The following COL28A1 variants were observed in gnomAD, a reference collection of about 807,000 sequenced individuals.
The protein encoded by COL28A1 is collagen type XXVIII alpha 1 chain.
In COL28A1, 161 loss-of-function variants were observed where a neutral mutation model predicts 150.2. The ratio of observed to expected loss-of-function variants is 1.07; its 90% CI spans 0.94 to 1.22. The LOEUF is 1.22. Among genes scored for constraint, COL28A1 ranks in the 50% most tolerant of loss-of-function variants. The probability of loss-of-function intolerance (pLI) is 0.00; values close to 1 mark genes in which losing one functional copy is unlikely to be tolerated. For synonymous variants in COL28A1, 552 were observed against 469.7 expected (o/e 1.18, Z -2.26); for missense variants, 1,617 against 1,388.3 (o/e 1.16, Z -2.62).
At chr7:7,439,173 G>A (rs1465456426) in intron 21 of COL28A1, among the ~76,000 whole-genome samples, 2 of 152,138 alleles carry the variant, frequency 1.3e-5, no homozygotes, top group Non-Finnish European at 2.9e-5. Context: ...CACCAGTGAT[G>A]ACTCCTGCCC....
intron 27 of COL28A1, among the ~76,000 whole-genome samples, chr7:7,397,190 G>T (rs566385583): frequency 6.6e-6 from 1 of 152,292 alleles, no homozygotes; most frequent in East Asian, 1.9e-4. Flanking sequence ...TGTAAGAAGA[G>T]AATCTATTTC....
In COL28A1 at chr7:7,432,711, T is replaced by C; in HGVS notation, c.1861-11A>G. 6.2e-7 allele frequency: 1 copy of C among 1,610,590 alleles called. No individual in the cohort carries two copies. On this transcript the variant is annotated splice_polypyrimidine_tract_variant and intron_variant, in intron 23 of 34. Transcript: ENST00000399429. ...AGGGCCTTGGACACCCTGGGTAAAT[T>C]CCAACATCAGTGATATCATGAGACT...
chr7:7,527,091 C>A (rs1782065698), intron 3 of COL28A1, among the ~76,000 whole-genome samples: 1 of 152,108 alleles, frequency 6.6e-6, no homozygotes, highest in Admixed American at 6.5e-5. Context: ...GGCTTAAAAC[C>A]ATAGCAATGC....
chr7:7,379,625 T>TACA (rs1332330489), intron 30 of COL28A1, among the ~76,000 whole-genome samples: 3 of 152,078 alleles, frequency 2.0e-5, no homozygotes, highest in African/African-American at 7.2e-5. Flanking sequence ...CAGAGTAAGG[T>TACA]TTACTGGATA....
chr7:7,494,389 G>C (rs1018193124), intron 11 of COL28A1, among the ~76,000 whole-genome samples: 1 of 152,026 alleles, frequency 6.6e-6, no homozygotes, highest in Non-Finnish European at 1.5e-5. Context: ...AAAAAACCAT[G>C]GCTTTGAATC....
At chr7:7,422,745 T>C (rs1348885557) in intron 25 of COL28A1, among the ~76,000 whole-genome samples, 1 of 152,068 alleles carries the variant, frequency 6.6e-6, no homozygotes, top group Non-Finnish European at 1.5e-5. Context: ...AAACTGAACC[T>C]GGATGTAAAC....
intron 23 of COL28A1, among the ~76,000 whole-genome samples, chr7:7,435,156 A>T (rs573952856): frequency 1.3e-5 from 2 of 152,314 alleles, no homozygotes; most frequent in Non-Finnish European, 2.9e-5. Context: ...AAAACAGGTG[A>T]GGCCTATAAA....
chr7:7,435,855 C>G (rs1049701051), intron 23 of COL28A1, among the ~76,000 whole-genome samples: 3 of 152,120 alleles, frequency 2.0e-5, no homozygotes, highest in African/African-American at 7.2e-5. Context: ...TGGTTGACAC[C>G]TAGGAATGCT....
At chr7:7,404,024 C>G (rs1783362695) in intron 27 of COL28A1, among the ~76,000 whole-genome samples, 1 of 152,094 alleles carries the variant, frequency 6.6e-6, no homozygotes, top group Non-Finnish European at 1.5e-5. Context: ...GGCCCTGTTG[C>G]AGTGTATTCT....
At position 7,432,699 on chromosome 7, in the gene COL28A1, C is replaced by T. The variant is rs200397395; in HGVS notation, c.1862G>A (p.Gly621Asp). The T allele has an allele frequency of 6.2e-7, 1 of 1,613,110 alleles. No homozygotes were observed. Among genetic ancestry groups the T allele is most frequent in the Non-Finnish European group, 8.5e-7 (1 of 1,179,590 alleles). ...EPGLSIRGPKGVQGPRGPVGA... is the reference protein window; with the variant it reads ...EPGLSIRGPKDVQGPRGPVGA... ...CACTGGTCCCCGAGGGCCTTGGACA[C>T]CCTGGGTAAATTCCAACATCAGTGA... is the stretch of plus-strand genomic sequence containing the variant. The change falls in exon 24 of 35, where the codon GGT becomes GAT. Residue 621 changes from glycine to aspartate, a missense_variant and splice_region_variant. Physicochemically the swap from Gly to Asp is moderately conservative, Grantham distance 94 (BLOSUM62 -1). Coordinates refer to ENST00000399429, the MANE Select transcript of COL28A1 (RefSeq NM_001037763.3).
intron 20 of COL28A1, among the ~76,000 whole-genome samples, chr7:7,441,661 C>T (rs567482843): frequency 7.2e-5 from 11 of 152,250 alleles, no homozygotes; most frequent in Non-Finnish European, 1.0e-4. Flanking sequence ...ATTGCTGGGC[C>T]CTCCACCCAG....
At chr7:7,345,230 G>A in the COL28A1 span, among the ~76,000 whole-genome samples, 2 of 151,908 alleles carry the variant, frequency 1.3e-5, no homozygotes, top group Non-Finnish European at 2.9e-5. Context: ...GTTACATGAT[G>A]TTGTTTGTAT....
chr7:7,424,784 A>G (rs1784568233), intron 25 of COL28A1, among the ~76,000 whole-genome samples: 1 of 152,170 alleles, frequency 6.6e-6, no homozygotes. Flanking sequence ...AAGGGATTCT[A>G]GATGGGAGAT....
intron 3 of COL28A1, among the ~76,000 whole-genome samples, chr7:7,526,799 T>C (rs1420274628): frequency 2.6e-4 from 39 of 151,848 alleles, no homozygotes; most frequent in Non-Finnish European, 5.6e-4. Context: ...CAAGCCAGGG[T>C]AATTTTTGTA....
intron 13 of COL28A1, among the ~76,000 whole-genome samples, chr7:7,478,952 C>A (rs141561912): frequency 1.3e-5 from 2 of 152,236 alleles, no homozygotes; most frequent in African/African-American, 2.4e-5. Context: ...CTGAGGGAGC[C>A]GGCTCAGCCC....
chr7:7,426,939 A>G lies in COL28A1; in HGVS notation c.1998+5534T>C, dbSNP rs186495387. Among the ~76,000 whole-genome samples the G allele has an allele frequency of 7.9e-5, 12 of 152,320 alleles. No homozygotes were observed. The East Asian group carries it at 2.3e-3, about 29-fold the overall frequency. On this transcript the variant is annotated intron_variant, in intron 25 of 34. Coordinates refer to ENST00000399429, the MANE Select transcript of COL28A1 (RefSeq NM_001037763.3). ...AGGCTGTCTTGTACTAAAACTGAAT[A>G]TAATTTTCCACTGGGAGAAAGTTCC...
intron 8 of COL28A1, among the ~76,000 whole-genome samples, chr7:7,513,900 CA>C (rs1309904717): frequency 6.6e-6 from 1 of 152,188 alleles, no homozygotes; most frequent in Non-Finnish European, 1.5e-5. Flanking sequence ...GGAATGGCCA[CA>C]ACTACATGGT....
At chr7:7,342,854 C>T in the COL28A1 span, among the ~76,000 whole-genome samples, 1 of 151,868 alleles carries the variant, frequency 6.6e-6, no homozygotes, top group Admixed American at 6.6e-5. Flanking sequence ...CTTAATTTTT[C>T]AGGTTTTCCA....
At chr7:7,514,332 C>T (rs185729160) in intron 8 of COL28A1, among the ~76,000 whole-genome samples, 14 of 152,296 alleles carry the variant, frequency 9.2e-5, no homozygotes, top group Admixed American at 2.6e-4. Context: ...TACATTGTCA[C>T]GCCCATTATT....
Sources: allele counts gnomAD v4.1 joint callset (sites outside exome capture counted in the v4.1 genomes callset), GRCh38; gene constraint gnomAD v4.1.1; transcripts MANE v1.5; gene names NCBI Gene and HGNC (gene_info 2026-07-23, HGNC 2026-07-21).